SBF2: variants seen among roughly 807,000 people sequenced by gnomAD.
SBF2 encodes SET binding factor 2.
Under a neutral mutation model 225.2 loss-of-function variants are expected in SBF2, and 112 were observed. That is an observed-to-expected ratio of 0.50 (90% CI 0.43 to 0.58). The LOEUF is 0.58. Ranked by LOEUF, SBF2 falls within the 20% of genes least tolerant of loss-of-function variation. SBF2 has a pLI of 0.00. For synonymous variants in SBF2, 763 were observed against 773.3 expected (o/e 0.99, Z 0.22); for missense variants, 1,996 against 2,206.2 (o/e 0.90, Z 1.91).
intron 26 of SBF2, among the ~76,000 whole-genome samples, chr11:9,834,538 A>G (rs1258508318): frequency 6.6e-6 from 1 of 152,182 alleles, no homozygotes; most frequent in Non-Finnish European, 1.5e-5. Flanking sequence ...ATAACCTTCA[A>G]CTACTTTACT....
chr11:9,830,775 CAAAA>C (rs896636140), intron 27 of SBF2, among the ~76,000 whole-genome samples: 1 of 145,414 alleles, frequency 6.9e-6, no homozygotes, highest in Non-Finnish European at 1.5e-5. Flanking sequence ...CAAAACAAAA[CAAAA>C]AACAAAAAAC....
At chr11:10,083,623 G>C (rs569408659) in intron 2 of SBF2, among the ~76,000 whole-genome samples, 2 of 152,208 alleles carry the variant, frequency 1.3e-5, no homozygotes, top group African/African-American at 2.4e-5. Flanking sequence ...CATACAATGG[G>C]GAAAGGACAC....
At chr11:10,070,323 T>C (rs1033525030) in intron 2 of SBF2, among the ~76,000 whole-genome samples, 5 of 152,214 alleles carry the variant, frequency 3.3e-5, no homozygotes, top group Non-Finnish European at 7.3e-5. Context: ...CCATCTTGAA[T>C]TAATTTTTGT....
In SBF2 at chr11:10,120,988, A is replaced by T. The variant is rs1171822105; in HGVS notation, c.141+72914T>A. On this transcript the variant is annotated intron_variant, in intron 2 of 39. Transcript: ENST00000256190. ...ACCACGTTGGCAAGGCTGGTCTCGA[A>T]CTCCTGTCCTCAAGTTATCTACCTG... 1.3e-5 allele frequency among the ~76,000 whole-genome samples: 2 copies of T among 150,504 alleles called. 1 individual carries two copies.
At chr11:9,954,785 A>T (rs1420915659) in intron 16 of SBF2, among the ~76,000 whole-genome samples, 1 of 152,126 alleles carries the variant, frequency 6.6e-6, no homozygotes, top group African/African-American at 2.4e-5. Flanking sequence ...GCTATTCTAT[A>T]AGTGCCATAA....
chr11:10,215,715 T>C (rs1031785420), intron 1 of SBF2, among the ~76,000 whole-genome samples: 15 of 152,244 alleles, frequency 9.9e-5, no homozygotes, highest in African/African-American at 3.1e-4. Context: ...ATTTCTTGCA[T>C]AGACTACTGC....
In SBF2 at chr11:10,002,618, A is replaced by T; in HGVS notation, c.691T>A (p.Phe231Ile). ...ENKVLFHSAS[F>I]QRLSDACRAL... ...CTACAAGCATCACTAAGTCTCTGGA[A>T]ACTTGCAGAATGGAAGAGAACCTTA... is the stretch of plus-strand genomic sequence containing the variant. The change falls in exon 7 of 40, where the codon TTC becomes ATC. Residue 231 changes from phenylalanine (F) to isoleucine (I), a missense_variant. Transcript: ENST00000256190. 6.2e-6 allele frequency: 10 copies of T among 1,612,866 alleles called. No individual in the cohort carries two copies. The highest frequency in any genetic ancestry group is 8.5e-6 in the Non-Finnish European group (10 of 1,178,908).
At chr11:10,053,789 A>G (rs1018237583) in intron 2 of SBF2, among the ~76,000 whole-genome samples, 1 of 151,820 alleles carries the variant, frequency 6.6e-6, no homozygotes, top group Non-Finnish European at 1.5e-5. Flanking sequence ...GAGTAGTGGC[A>G]TGCACCTGTA....
Position 9,787,862 on chromosome 11 carries a change from G to A in SBF2, c.4933-124C>T, listed in dbSNP as rs1411174259. ...GGCCAGAGGGCAGTTGAGGAAAGTG[G>A]TGGACATGGGCCTGTGAGGTCTCCC... On this transcript the variant is annotated intron_variant, in intron 35 of 39. Coordinates refer to ENST00000256190, the MANE Select transcript of SBF2 (RefSeq NM_030962.4). 67 of 783,994 alleles carry A rather than the reference G, an allele frequency of 8.5e-5. 1 individual carries two copies. Among genetic ancestry groups the A allele is most frequent in the Non-Finnish European group, 1.4e-4 (62 of 457,812 alleles). The allele number at this position is 783,994 out of a possible 1,614,324, so 48.6% of individuals were successfully genotyped here. A position where few individuals can be genotyped will look rare whatever the true frequency, so the allele number is the denominator to read the frequency against.
In SBF2 at chr11:9,852,621, T is replaced by C. The variant is rs1857035990; in HGVS notation, c.2610+55A>G. ...TCCTTTCCTGGCACACAGCAGTCTA[T>C]TGTTTGTTTTTAAGAAGAGAGGCTA... On this transcript the variant is annotated intron_variant, in intron 21 of 39. Coordinates refer to ENST00000256190, the MANE Select transcript of SBF2 (RefSeq NM_030962.4). 4.0e-6 allele frequency: 5 copies of C among 1,247,228 alleles called. No individual in the cohort carries two copies. The Admixed American group carries it at 8.4e-5, about 21-fold the overall frequency. The allele number at this position is 1,247,228 out of a possible 1,614,324, so 77.3% of individuals were successfully genotyped here. A position where few individuals can be genotyped will look rare whatever the true frequency, so the allele number is the denominator to read the frequency against.
chr11:9,830,535 T>C (rs1256776781), intron 27 of SBF2, among the ~76,000 whole-genome samples: 1 of 151,582 alleles, frequency 6.6e-6, no homozygotes, highest in African/African-American at 2.4e-5. Flanking sequence ...AGGTCAGGAG[T>C]TCGAGACCAG....
chr11:10,250,792 C>G (rs1023477247), intron 1 of SBF2, among the ~76,000 whole-genome samples: 1 of 152,172 alleles, frequency 6.6e-6, no homozygotes, highest in East Asian at 1.9e-4. Context: ...GCCATTCACA[C>G]TGCAACAAAA....
rs775404093 is a variant in SBF2, at chr11:9,856,483, C to T, written c.2338G>A (p.Gly780Arg). The change falls in exon 19 of 40, where the codon GGA becomes AGA. Residue 780 changes from glycine to arginine, a missense_variant. Transcript: ENST00000256190. ...RTSAPGDWES[G>R]SNSIVTNSIA... ...CTGTTTGTGACAATGCTGTTGCTTCCGCTCTCCCAGTCACCTGGCGCTGAT... is the reference window on the plus strand; with the variant it reads ...CTGTTTGTGACAATGCTGTTGCTTCTGCTCTCCCAGTCACCTGGCGCTGAT... 20 of 1,613,952 alleles carry T rather than the reference C, an allele frequency of 1.2e-5. No homozygotes were observed. The highest frequency in any genetic ancestry group is 1.7e-4 in the Middle Eastern group (1 of 6,004).
intron 28 of SBF2, among the ~76,000 whole-genome samples, chr11:9,823,841 T>C (rs1016971983): frequency 5.3e-5 from 8 of 152,208 alleles, no homozygotes; most frequent in African/African-American, 1.9e-4. Context: ...AACAGCAGTA[T>C]CTCTTTGTCC....
Position 9,968,355 on chromosome 11 carries a change from G to T in SBF2, c.1586C>A (p.Ala529Glu). The T allele has an allele frequency of 6.2e-7, 1 of 1,614,002 alleles. No individual in the cohort carries two copies. The highest frequency in any genetic ancestry group is 8.5e-7 in the Non-Finnish European group (1 of 1,179,910). Reference protein sequence around the residue: ...TRIEKKCVVPAGPPVVSIMDK... With the variant: ...TRIEKKCVVPEGPPVVSIMDK... Reference sequence around the variant, plus strand: ...CAAATACATACCAACAGGTGGACCTGCTGGCACAACACATTTCTTTTCTAT... The same window carrying T: ...CAAATACATACCAACAGGTGGACCTTCTGGCACAACACATTTCTTTTCTAT... The change falls in exon 14 of 40, where the codon GCA (alanine) becomes GAA (glutamate). Residue 529 changes from alanine (A) to glutamate (E), a missense_variant. By Grantham distance (107) the Ala-to-Glu change is moderately radical. Coordinates refer to ENST00000256190, the MANE Select transcript of SBF2 (RefSeq NM_030962.4).
At chr11:9,968,174 T>G (rs1215592103) in intron 14 of SBF2, among the ~76,000 whole-genome samples, 167 bp downstream of exon 14, 1 of 151,902 alleles carries the variant, frequency 6.6e-6, no homozygotes, top group East Asian at 1.9e-4. Flanking sequence ...TGATTACCCT[T>G]TTTGGGAGGC....
At chr11:9,932,212 A>ATATC (rs1214325508) in intron 16 of SBF2, among the ~76,000 whole-genome samples, 2 of 152,224 alleles carry the variant, frequency 1.3e-5, no homozygotes, top group African/African-American at 4.8e-5. Flanking sequence ...ACTCTTCAGG[A>ATATC]TATCATCCAG....
intron 1 of SBF2, among the ~76,000 whole-genome samples, chr11:10,231,162 A>C (rs1046559109): frequency 6.6e-6 from 1 of 152,176 alleles, no homozygotes; most frequent in Non-Finnish European, 1.5e-5. Flanking sequence ...CAGCTCCATC[A>C]GGTCCTTTAA....
intron 28 of SBF2, among the ~76,000 whole-genome samples, chr11:9,818,485 T>C (rs1048505603): frequency 6.6e-5 from 10 of 152,198 alleles, no homozygotes; most frequent in Admixed American, 2.6e-4. Flanking sequence ...GTTTATCTCA[T>C]TGATGGGGTC....
Sources: allele counts gnomAD v4.1 joint callset (sites outside exome capture counted in the v4.1 genomes callset), GRCh38; gene constraint gnomAD v4.1.1; transcripts MANE v1.5; gene names NCBI Gene and HGNC (gene_info 2026-07-23, HGNC 2026-07-21).